Variants in GRM8 observed in about 807,000 individuals in gnomAD.
GRM8 encodes the protein metabotropic glutamate receptor 8.
Under a neutral mutation model 87.2 loss-of-function variants are expected in GRM8, and 47 were observed. The observed-to-expected ratio is 0.54, with a 90% CI of 0.43 to 0.69. The LOEUF is 0.69. Among genes scored for constraint, GRM8 ranks in the 30% least tolerant of loss-of-function variants. The pLI is 0.00. For missense variants in GRM8, 1,019 were observed against 1,139.2 expected, an observed-to-expected ratio of 0.89 and a Z score of 1.52; for synonymous variants, 396 against 404.5, an observed-to-expected ratio of 0.98 and a Z score of 0.25.
intron 2 of GRM8, among the ~76,000 whole-genome samples, chr7:127,217,211 C>G (rs1796611058): frequency 6.6e-6 from 1 of 152,032 alleles, no homozygotes; most frequent in South Asian, 2.1e-4. Flanking sequence ...GGAAAGGTGA[C>G]AGTAACAAAA....
intron 8 of GRM8, among the ~76,000 whole-genome samples, chr7:126,579,020 A>ATTATC (rs1221342506): frequency 6.6e-6 from 1 of 152,190 alleles, no homozygotes; most frequent in East Asian, 1.9e-4. Flanking sequence ...TTTCATGGCC[A>ATTATC]TTATCTTACG....
intron 6 of GRM8, among the ~76,000 whole-genome samples, chr7:126,807,003 G>T (rs1189652728): frequency 1.3e-5 from 2 of 152,222 alleles, no homozygotes; most frequent in African/African-American, 4.8e-5. Context: ...GGACGCCGAG[G>T]CCAACAAGGA....
At chr7:126,970,771 T>C (rs1810340919) in intron 3 of GRM8, among the ~76,000 whole-genome samples, 1 of 152,092 alleles carries the variant, frequency 6.6e-6, no homozygotes. Flanking sequence ...CTTCATCATT[T>C]CTAGCTTTTA....
intron 7 of GRM8, among the ~76,000 whole-genome samples, chr7:126,675,450 A>G (rs1283685101): frequency 2.0e-5 from 3 of 152,170 alleles, no homozygotes; most frequent in African/African-American, 7.2e-5. Flanking sequence ...AGAGAAAACT[A>G]TAGGTCACTA....
At chr7:126,833,094 G>A (rs1795541870) in intron 6 of GRM8, among the ~76,000 whole-genome samples, 1 of 152,200 alleles carries the variant, frequency 6.6e-6, no homozygotes, top group South Asian at 2.1e-4. Context: ...TGAACAATCA[G>A]TCTCTTGGCT....
chr7:126,980,529 A>G (rs963755093), intron 3 of GRM8, among the ~76,000 whole-genome samples: 4 of 152,182 alleles, frequency 2.6e-5, no homozygotes, highest in African/African-American at 9.7e-5. Flanking sequence ...CTTTTACTCA[A>G]AGCTTAATTC....
At chr7:127,105,605 A>G (rs968378826) in intron 3 of GRM8, among the ~76,000 whole-genome samples, 7 of 152,190 alleles carry the variant, frequency 4.6e-5, no homozygotes, top group African/African-American at 1.7e-4. Context: ...ATTTATCAAC[A>G]TAATGTCTTC....
chr7:126,623,069 T>A (rs1056797943), intron 7 of GRM8, among the ~76,000 whole-genome samples: 1 of 152,210 alleles, frequency 6.6e-6, no homozygotes, highest in Non-Finnish European at 1.5e-5. Flanking sequence ...ATTCAATCAA[T>A]TCAAAACCTA....
chr7:127,002,907 T>C (rs1337420994), intron 3 of GRM8, among the ~76,000 whole-genome samples: 7 of 151,740 alleles, frequency 4.6e-5, no homozygotes, highest in Non-Finnish European at 1.0e-4. Flanking sequence ...TTAATACTAA[T>C]ACTATGGTTC....
At chr7:127,062,463 A>G (rs1358964949) in intron 3 of GRM8, among the ~76,000 whole-genome samples, 2 of 152,246 alleles carry the variant, frequency 1.3e-5, no homozygotes, top group African/African-American at 2.4e-5. Flanking sequence ...CACTGCAAGC[A>G]TGAAAGCTGG....
Position 127,232,187 on chromosome 7 carries a change from G to GTT in GRM8, c.510+10507_510+10508insAA, listed in dbSNP as rs1462676997. On this transcript the variant is annotated intron_variant, in intron 2 of 10. Coordinates refer to ENST00000339582, the MANE Select transcript of GRM8 (RefSeq NM_000845.3). ...GCCATCAGTTCTGTTTCTTCTTTGTGTGTGTGTGTGTGTGTGTGTGTGTGT... is the reference window on the plus strand; with the variant it reads ...GCCATCAGTTCTGTTTCTTCTTTGTGTTTGTGTGTGTGTGTGTGTGTGTGTGT... Among the ~76,000 whole-genome samples the GTT allele has an allele frequency of 1.7e-3, 159 of 94,840 alleles. 1 individual carries two copies. The highest frequency in any genetic ancestry group is 4.1e-3 in the African/African-American group (140 of 34,136). The allele number at this position is 94,840 out of a possible 152,430, so 62.2% of individuals were successfully genotyped here.
intron 3 of GRM8, among the ~76,000 whole-genome samples, chr7:127,042,472 C>G (rs1364756821): frequency 6.6e-6 from 1 of 152,130 alleles, no homozygotes; most frequent in Non-Finnish European, 1.5e-5. Flanking sequence ...AGATAAAACC[C>G]TTTGCAGATT....
Position 126,902,659 on chromosome 7 carries a change from T to C in GRM8, c.1039A>G (p.Ser347Gly), listed in dbSNP as rs1802215330. 1 of 1,602,228 alleles carries C rather than the reference T, an allele frequency of 6.2e-7. No individual in the cohort carries two copies. Among genetic ancestry groups the C allele is most frequent in the Non-Finnish European group, 8.5e-7 (1 of 1,174,912 alleles). The part of the protein sequence containing the change: ...SIDGFDRYFR[S>G]RTLANNRRNV... ...CTTCGATTATTGGCAAGAGTTCGGCTTCTAAAGTATCGATCAAATCCTATT... is the reference window on the plus strand; with the variant it reads ...CTTCGATTATTGGCAAGAGTTCGGCCTCTAAAGTATCGATCAAATCCTATT... The change falls in exon 6 of 11, where the codon AGC (serine) becomes GGC (glycine). Residue 347 changes from serine (S) to glycine (G), a missense_variant. Ser to Gly is a moderately conservative substitution (Grantham distance 56). Coordinates refer to ENST00000339582, the MANE Select transcript of GRM8 (RefSeq NM_000845.3).
chr7:127,203,544 C>T (rs761068530), intron 2 of GRM8, among the ~76,000 whole-genome samples: 1 of 151,938 alleles, frequency 6.6e-6, no homozygotes, highest in South Asian at 2.1e-4. Flanking sequence ...CCTGTCTACA[C>T]TAAAAATACA....
intron 6 of GRM8, among the ~76,000 whole-genome samples, chr7:126,873,098 T>G (rs940401127): frequency 6.6e-6 from 1 of 152,112 alleles, no homozygotes; most frequent in Non-Finnish European, 1.5e-5. Flanking sequence ...GTTTTAAAGA[T>G]GCATTTTTCC....
intron 8 of GRM8, among the ~76,000 whole-genome samples, chr7:126,561,648 T>C (rs889604436): frequency 1.3e-5 from 2 of 151,898 alleles, no homozygotes; most frequent in Non-Finnish European, 2.9e-5. Context: ...TATTATACTT[T>C]AAGTTTTAGG....
intron 9 of GRM8, among the ~76,000 whole-genome samples, chr7:126,463,564 G>C (rs778376878): frequency 6.6e-6 from 1 of 151,542 alleles, no homozygotes; most frequent in East Asian, 1.9e-4. Flanking sequence ...CAGTGACCTC[G>C]GTCTTTGGTT....
chr7:126,532,113 T>C (rs1041518218), intron 9 of GRM8, among the ~76,000 whole-genome samples: 2 of 152,218 alleles, frequency 1.3e-5, no homozygotes, highest in Admixed American at 6.5e-5. Context: ...TTTCTGTACA[T>C]AGAACTACAA....
chr7:127,096,930 T>C (rs1381249554), intron 3 of GRM8, among the ~76,000 whole-genome samples: 1 of 152,162 alleles, frequency 6.6e-6, no homozygotes, highest in Non-Finnish European at 1.5e-5. Context: ...TAAGGCATGG[T>C]TGGAAGCAGC....
Sources: allele counts gnomAD v4.1 joint callset (sites outside exome capture counted in the v4.1 genomes callset), GRCh38; gene constraint gnomAD v4.1.1; transcripts MANE v1.5; gene names NCBI Gene and HGNC (gene_info 2026-07-23, HGNC 2026-07-21).